NRG3: variants seen among roughly 807,000 people sequenced by gnomAD.
NRG3 encodes the protein pro-neuregulin-3, membrane-bound isoform.
Under a neutral mutation model 66.9 loss-of-function variants are expected in NRG3, and 31 were observed. That is an observed-to-expected ratio of 0.46 (90% CI 0.35 to 0.63). The LOEUF (loss-of-function observed/expected upper bound fraction) is 0.63, where lower values mean the gene tolerates loss of function less well. Among genes scored for constraint, NRG3 ranks in the 20% least tolerant of loss-of-function variants. NRG3 has a pLI of 0.00. For missense variants in NRG3, 910 were observed against 878.9 expected, an observed-to-expected ratio of 1.04 and a Z score of -0.45; for synonymous variants, 393 against 359.4, an observed-to-expected ratio of 1.09 and a Z score of -1.06.
chr10:82,660,433 T>A (rs1216484731), intron 2 of NRG3, among the ~76,000 whole-genome samples: 1 of 152,054 alleles, frequency 6.6e-6, no homozygotes, highest in East Asian at 1.9e-4. Context: ...ACTCTTCCTT[T>A]GAAATGTCTA....
At chr10:81,997,683 G>A (rs1357099424) in intron 1 of NRG3, among the ~76,000 whole-genome samples, 7 of 152,034 alleles carry the variant, frequency 4.6e-5, no homozygotes, top group Non-Finnish European at 8.8e-5. Context: ...TGATGTCTGA[G>A]TCATGTGTAG....
intron 1 of NRG3, among the ~76,000 whole-genome samples, chr10:82,073,703 C>A (rs565270819): frequency 6.6e-6 from 1 of 152,084 alleles, no homozygotes; most frequent in East Asian, 1.9e-4. Context: ...ATATATTTGT[C>A]CTCATTTTTT....
Position 82,290,482 on chromosome 10 carries a change from T to C in NRG3, c.824-68257T>C, listed in dbSNP as rs184540978. ...ACGTGATTTTCTTGAAGACAACACA[T>C]TGTGTTCAGTTGGTTCTCTGAACCC... On this transcript the variant is annotated intron_variant, in intron 1 of 8. Transcript: ENST00000372141. Among the ~76,000 whole-genome samples, 32 of 152,292 alleles carry C rather than the reference T, an allele frequency of 2.1e-4. No homozygotes were observed. In the East Asian group the frequency reaches 5.4e-3, roughly 26 times the overall value.
chr10:81,899,814 G>T (rs1843863036), intron 1 of NRG3, among the ~76,000 whole-genome samples: 1 of 152,124 alleles, frequency 6.6e-6, no homozygotes, highest in Admixed American at 6.5e-5. Flanking sequence ...GCCTCTGATA[G>T]TTGAATGTTT....
At chr10:82,212,693 G>T (rs1012683531) in intron 1 of NRG3, among the ~76,000 whole-genome samples, 1 of 152,038 alleles carries the variant, frequency 6.6e-6, no homozygotes, top group Non-Finnish European at 1.5e-5. Context: ...CAGATCAGTG[G>T]TCTTTAAATA....
At chr10:82,565,483 C>T (rs892005816) in intron 2 of NRG3, among the ~76,000 whole-genome samples, 1 of 152,110 alleles carries the variant, frequency 6.6e-6, no homozygotes, top group East Asian at 1.9e-4. Context: ...ACAGCCTTGA[C>T]TTTCATCCTT....
intron 4 of NRG3, among the ~76,000 whole-genome samples, chr10:82,943,331 C>T (rs115149492): frequency 2.0e-3 from 301 of 152,266 alleles, no homozygotes; most frequent in African/African-American, 6.6e-3. Flanking sequence ...TGCATAACCA[C>T]GGACCACACT....
chr10:81,945,459 C>G (rs1848764662), intron 1 of NRG3, among the ~76,000 whole-genome samples: 1 of 152,106 alleles, frequency 6.6e-6, no homozygotes, highest in African/African-American at 2.4e-5. Context: ...TTTTGTCTTC[C>G]TTTCCTTGTT....
At chr10:82,337,307 G>T (rs992718640) in intron 1 of NRG3, among the ~76,000 whole-genome samples, 3 of 152,082 alleles carry the variant, frequency 2.0e-5, no homozygotes, top group African/African-American at 7.2e-5. Context: ...ATGCTTTCAA[G>T]GTTCACCCAT....
chr10:82,804,414 TGGGTGGAAGA>T, intron 3 of NRG3, among the ~76,000 whole-genome samples: 1 of 152,294 alleles, frequency 6.6e-6, no homozygotes, highest in South Asian at 2.1e-4. Context: ...ATTGCATTTG[TGGGTGGAAGA>T]CATGAACAGA....
At chr10:82,178,473 C>A (rs1322867012) in intron 1 of NRG3, among the ~76,000 whole-genome samples, 1 of 152,108 alleles carries the variant, frequency 6.6e-6, no homozygotes, top group African/African-American at 2.4e-5. Flanking sequence ...TGGAATCGAG[C>A]AGTATTTGCC....
chr10:82,105,157 T>G (rs1383220193), intron 1 of NRG3, among the ~76,000 whole-genome samples: 1 of 152,142 alleles, frequency 6.6e-6, no homozygotes, highest in Non-Finnish European at 1.5e-5. Context: ...TATTAAAAAG[T>G]ATTGGAGCTA....
intron 1 of NRG3, among the ~76,000 whole-genome samples, chr10:82,068,981 G>A (rs1036271184): frequency 1.3e-5 from 2 of 152,180 alleles, no homozygotes; most frequent in African/African-American, 2.4e-5. Context: ...TTGTATTTGA[G>A]TTAACAGCAT....
chr10:82,959,045 C>T lies in NRG3; in HGVS notation c.1254C>T (p.Asn418=). ...KASSTMAKSE[N]LVKSHVQLQN... ...CCAGCACAATGGCAAAGTCAGAGAA[C>T]TTGGTGAAGAGCCATGTCCAGCTGC... is the stretch of plus-strand genomic sequence containing the variant. Residue 418 remains asparagine, a synonymous_variant, in exon 6 of 9, where the codon AAC becomes AAT. Coordinates refer to ENST00000372141, the MANE Select transcript of NRG3 (RefSeq NM_001010848.4). 1 of 1,606,540 alleles carries T rather than the reference C, an allele frequency of 6.2e-7. No individual in the cohort carries two copies. The highest frequency in any genetic ancestry group is 8.5e-7 in the Non-Finnish European group (1 of 1,177,824).
intron 1 of NRG3, among the ~76,000 whole-genome samples, chr10:81,990,884 C>T (rs1404362085): frequency 6.6e-6 from 1 of 152,086 alleles, no homozygotes; most frequent in Non-Finnish European, 1.5e-5. Flanking sequence ...GTATTTTCTA[C>T]CTACTAGTAA....
chr10:82,084,243 A>G (rs7087870), intron 1 of NRG3, among the ~76,000 whole-genome samples: 4,157 of 152,028 alleles, frequency 0.027, 196 homozygotes, highest in African/African-American at 0.096. Context: ...CAAAAAAGAC[A>G]CATTTATAAT....
At chr10:82,049,416 T>A (rs2063481394) in intron 1 of NRG3, among the ~76,000 whole-genome samples, 2 of 152,110 alleles carry the variant, frequency 1.3e-5, no homozygotes, top group South Asian at 4.1e-4. Flanking sequence ...CAATGGGTGT[T>A]ATTTTTTCTG....
At chr10:82,458,823 T>C (rs1564945050) in intron 2 of NRG3, among the ~76,000 whole-genome samples, 1 of 152,202 alleles carries the variant, frequency 6.6e-6, no homozygotes, top group African/African-American at 2.4e-5. Flanking sequence ...GCTCACATAG[T>C]GTACTCACAG....
At chr10:82,693,344 A>T (rs1050287841) in intron 2 of NRG3, among the ~76,000 whole-genome samples, 4 of 152,226 alleles carry the variant, frequency 2.6e-5, no homozygotes, top group African/African-American at 4.8e-5. Flanking sequence ...GACGATGATG[A>T]TAATTGCATT....
Sources: allele counts gnomAD v4.1 joint callset (sites outside exome capture counted in the v4.1 genomes callset), GRCh38; gene constraint gnomAD v4.1.1; transcripts MANE v1.5; gene names NCBI Gene and HGNC (gene_info 2026-07-23, HGNC 2026-07-21).